KIF24: variants seen among roughly 807,000 people sequenced by gnomAD.
The protein encoded by KIF24 is kinesin-like protein KIF24.
In KIF24, 81 loss-of-function variants were observed where a neutral mutation model predicts 118.9. That is an observed-to-expected ratio of 0.68 (90% confidence interval 0.57 to 0.82). The LOEUF is 0.82. Among genes scored for constraint, KIF24 ranks in the 40% least tolerant of loss-of-function variants. KIF24 has a pLI of 0.00. For missense variants in KIF24, 1,560 were observed against 1,661.6 expected, an observed-to-expected ratio of 0.94 and a Z score of 1.06; for synonymous variants, 599 against 610.0, an observed-to-expected ratio of 0.98 and a Z score of 0.27.
rs1168449272 is a variant in KIF24, at chr9:34,264,424, C to T, written c.1444-1252G>A. Among the ~76,000 whole-genome samples, 8 of 150,500 alleles carry T rather than the reference C, an allele frequency of 5.3e-5. No homozygotes were observed. In the East Asian group the frequency reaches 5.8e-4, roughly 11 times the overall value. ...CAGCCTGGGTGACAGAGCGAGACTC[C>T]GTCTCAAGAGAAAAAAAAAAAAAAG... On this transcript the variant is annotated intron_variant, in intron 8 of 12. Coordinates refer to ENST00000402558, the MANE Select transcript of KIF24 (RefSeq NM_194313.4).
chr9:34,322,818 T>C (rs1176081370), intron 1 of KIF24, among the ~76,000 whole-genome samples: 1 of 152,102 alleles, frequency 6.6e-6, no homozygotes, highest in Non-Finnish European at 1.5e-5. Flanking sequence ...ATTGCGCCAC[T>C]GCACTCCAGC....
Position 34,318,028 on chromosome 9 carries a change from T to TA in KIF24, c.-25-6658dup, listed in dbSNP as rs920694636. On this transcript the variant is annotated intron_variant, in intron 1 of 12. Coordinates refer to ENST00000402558, the MANE Select transcript of KIF24 (RefSeq NM_194313.4). The surrounding 1 kb of genome is among the most constrained non-coding windows in gnomAD (Gnocchi z 4.9). ...TTGTATTATTGGATTTATTTTTCAG[T>TA]AGTTAGGGGAGCATGGGAGCAAAGG... Among the ~76,000 whole-genome samples the TA allele has an allele frequency of 1.2e-4, 19 of 152,128 alleles. No individual in the cohort carries two copies. The highest frequency in any genetic ancestry group is 2.6e-4 in the Non-Finnish European group (18 of 67,998).
chr9:34,286,273 G>A (rs1836047885), intron 6 of KIF24, among the ~76,000 whole-genome samples: 1 of 152,170 alleles, frequency 6.6e-6, no homozygotes, highest in Non-Finnish European at 1.5e-5. Flanking sequence ...GGCAGAGGTT[G>A]CAGTGAGCAG....
At chr9:34,319,833 T>C (rs1837457053) in intron 1 of KIF24, among the ~76,000 whole-genome samples, 1 of 152,114 alleles carries the variant, frequency 6.6e-6, no homozygotes, top group African/African-American at 2.4e-5. Flanking sequence ...TTTACTCCAC[T>C]TGGACGTGGG....
At position 34,254,236 on chromosome 9, in the gene KIF24, G is replaced by T; in HGVS notation, c.*144C>A. 1 of 874,566 alleles carries T rather than the reference G, an allele frequency of 1.1e-6. No homozygotes were observed. Among genetic ancestry groups the T allele is most frequent in the Non-Finnish European group, 1.6e-6 (1 of 612,824 alleles). The allele number at this position is 874,566 out of a possible 1,614,324, so 54.2% of individuals were successfully genotyped here. The stretch of plus-strand genomic sequence containing the variant: ...GAAGCTGGGACCTATCTGAAGCCAC[G>T]TGGGGCTGGGGTGACGCTAGCATAG... On this transcript the variant is annotated 3_prime_UTR_variant, in exon 13 of 13. Coordinates refer to ENST00000402558, the MANE Select transcript of KIF24 (RefSeq NM_194313.4).
At chr9:34,308,762 A>C (rs1169811559) in intron 2 of KIF24, among the ~76,000 whole-genome samples, 1 of 152,094 alleles carries the variant, frequency 6.6e-6, no homozygotes, top group East Asian at 1.9e-4. Flanking sequence ...CAAGGAGCAA[A>C]AAGACATGCA....
rs1834873945 is a variant in KIF24 at position 34,257,000 on chromosome 9, C to G, written c.2607G>C (p.Val869=). 11 of 1,614,034 alleles carry G rather than the reference C, an allele frequency of 6.8e-6. No homozygotes were observed. Among genetic ancestry groups the G allele is most frequent in the Non-Finnish European group, 9.3e-6 (11 of 1,179,900 alleles). The change falls in exon 11 of 13, where the codon GTG becomes GTC. Residue 869 remains valine (V), a synonymous_variant. Coordinates refer to ENST00000402558, the MANE Select transcript of KIF24 (RefSeq NM_194313.4). ...AAAACAGACTCTGCTGTCTTTCTGC[C>G]ACCTGCTTCTCAGGACCCTGTCCCC... The part of the protein sequence containing the change: ...QTWGQGPEKQ[V]AERQQSLFSS...
In KIF24 at chr9:34,318,350, G is replaced by C; in HGVS notation, c.-25-6979C>G. On this transcript the variant is annotated intron_variant, in intron 1 of 12. Transcript: ENST00000402558. This position sits in a 1 kb window ranked among gnomAD's most constrained non-coding sequence, Gnocchi z 4.9. ...GCCCAGCCCAACCCAGCCCAACCCA[G>C]CTTGACCTAGCCCTGACAGGTCCAT... 9.0e-4 allele frequency: 386 copies of C among 428,842 alleles called. No individual in the cohort carries two copies. Among genetic ancestry groups the C allele is most frequent in the East Asian group, 2.8e-3 (42 of 15,120 alleles). 26.6% of individuals were successfully genotyped at this position (428,842 alleles called of 1,614,324 possible).
At chr9:34,319,571 G>C in intron 1 of KIF24, 1 of 1,070,860 alleles carries the variant, frequency 9.3e-7, no homozygotes, top group Non-Finnish European at 1.4e-6. Flanking sequence ...TCATCTTCCT[G>C]GTGTGGGACA....
chr9:34,314,670 C>T (rs1837279015), intron 1 of KIF24, among the ~76,000 whole-genome samples: 2 of 152,314 alleles, frequency 1.3e-5, no homozygotes, highest in South Asian at 4.1e-4. Context: ...AGCAATTCTA[C>T]CTCTAGGAAC....
At chr9:34,321,563 T>TAA (rs57959947) in intron 1 of KIF24, among the ~76,000 whole-genome samples, 6,224 of 120,748 alleles carry the variant, frequency 0.052, 563 homozygotes, top group African/African-American at 0.18. Flanking sequence ...CCGATAGCAT[T>TAA]AAAAAAAAAA....
rs1834769037 is a variant in KIF24 at position 34,255,073 on chromosome 9, T to G, written c.3965A>C (p.Asn1322Thr). ...EETLMSQLASNDFEDFVTQLD... is the reference protein window; with the variant it reads ...EETLMSQLASTDFEDFVTQLD... ...GAGTGTCCAGCCAGGGCTACTTACA[T>G]TAGAAGCCAGCTGGCTCATCAGCGT... Residue 1322 changes from asparagine (N) to threonine (T), a missense_variant and splice_region_variant, in exon 12 of 13, where the codon AAT becomes ACT. Physicochemically the swap from Asn to Thr is moderately conservative, Grantham distance 65 (BLOSUM62 0). This residue lies in a region of KIF24 where 591 missense variants were observed against 655.6 expected (regional missense o/e 0.90). Transcript: ENST00000402558. 1 of 1,580,940 alleles carries G rather than the reference T, an allele frequency of 6.3e-7. No homozygotes were observed. The highest frequency in any genetic ancestry group is 2.3e-5 in the East Asian group (1 of 43,462).
chr9:34,262,675 A>AATATATATATATATATATAT (rs1428160924), intron 9 of KIF24, among the ~76,000 whole-genome samples: 5 of 27,068 alleles, frequency 1.8e-4, no homozygotes, highest in African/African-American at 1.8e-4. Context: ...AAAAAAAAAA[A>AATATATATATATATATATAT]ATATATATAT....
intron 2 of KIF24, among the ~76,000 whole-genome samples, chr9:34,310,489 T>C (rs1306393220): frequency 6.6e-6 from 1 of 152,252 alleles, no homozygotes; most frequent in East Asian, 1.9e-4. Flanking sequence ...AAGTAGCAGC[T>C]GTTCTGATGT....
At chr9:34,272,058 A>T (rs1835528224) in intron 6 of KIF24, 128 bp from the exon 7 acceptor site, 2 of 750,578 alleles carry the variant, frequency 2.7e-6, no homozygotes, top group Non-Finnish European at 4.1e-6. Flanking sequence ...TTTTCTGTCC[A>T]GGTGGAAAAC....
In KIF24 at chr9:34,313,480, A is replaced by AATT. The variant is rs139096969; in HGVS notation, c.-25-2112_-25-2110dup. Among the ~76,000 whole-genome samples the AATT allele has an allele frequency of 5.5e-3, 820 of 148,570 alleles. 5 individuals carry two copies. The highest frequency in any genetic ancestry group is 0.019 in the African/African-American group (759 of 40,660). On this transcript the variant is annotated intron_variant, in intron 1 of 12. Coordinates refer to ENST00000402558, the MANE Select transcript of KIF24 (RefSeq NM_194313.4). ...AATTTTTTAAAACAAGTTTTTTAGAAATTATTATTATTATTATTATTATTA... is the reference window on the plus strand; with the variant it reads ...AATTTTTTAAAACAAGTTTTTTAGAAATTATTATTATTATTATTATTATTATTA...
At chr9:34,260,548 G>T (rs1253594113) in intron 9 of KIF24, among the ~76,000 whole-genome samples, 1 of 152,194 alleles carries the variant, frequency 6.6e-6, no homozygotes, top group African/African-American at 2.4e-5. Flanking sequence ...ACGTAGCAGT[G>T]TGTGGTTATC....
intron 8 of KIF24, among the ~76,000 whole-genome samples, chr9:34,266,316 C>T (rs561850155): frequency 2.3e-4 from 35 of 152,276 alleles, no homozygotes; most frequent in African/African-American, 7.9e-4. Context: ...GAAGCAAGGG[C>T]TAACACAGTA....
In KIF24 at chr9:34,311,387, A is replaced by G; in HGVS notation, c.-25-16T>C. On this transcript the variant is annotated splice_polypyrimidine_tract_variant and intron_variant, in intron 1 of 12. Coordinates refer to ENST00000402558, the MANE Select transcript of KIF24 (RefSeq NM_194313.4). ...TCTATAAACTCTGAAGAGAGAAAGA[A>G]AAGCCATTCGCTTGAAATAGAGTAC... The G allele has an allele frequency of 7.1e-7, 1 of 1,410,702 alleles. No individual in the cohort carries two copies. The highest frequency in any genetic ancestry group is 9.4e-7 in the Non-Finnish European group (1 of 1,058,774). 87.4% of individuals were successfully genotyped at this position (1,410,702 alleles called of 1,614,324 possible). A position where few individuals can be genotyped will look rare whatever the true frequency, so the allele number is the denominator to read the frequency against.
Sources: gnomAD v4.1 joint callset for allele counts (sites outside exome capture counted in the v4.1 genomes callset) on GRCh38, gnomAD v4.1.1 for gene constraint, gnomAD v4.1.1 regional missense constraint, Gnocchi (gnomAD v3.1) non-coding constraint, MANE v1.5 for transcripts, NCBI Gene and HGNC (gene_info 2026-07-23, HGNC 2026-07-21) for gene names.